KCNAB1: variants seen among roughly 807,000 people sequenced by gnomAD.
KCNAB1 encodes the protein potassium voltage-gated channel subfamily A regulatory beta subunit 1, also known as voltage-gated potassium channel subunit beta-1.
Under a neutral mutation model 64.6 loss-of-function variants are expected in KCNAB1, and 35 were observed. The observed-to-expected ratio is 0.54, with a 90% CI of 0.41 to 0.72. KCNAB1 has a LOEUF of 0.72. Ranked by LOEUF, KCNAB1 falls within the 30% of genes least tolerant of loss-of-function variation. The pLI is 0.00. For synonymous variants in KCNAB1, 177 were observed against 183.8 expected (o/e 0.96, Z 0.30); for missense variants, 401 against 512.9 (o/e 0.78, Z 2.11).
rs1266435962 is a variant in KCNAB1, at chr3:156,536,866, C to T, written c.*119C>T. 1.4e-6 allele frequency: 1 copy of T among 706,990 alleles called. No homozygotes were observed. Among genetic ancestry groups the T allele is most frequent in the African/African-American group, 1.8e-5 (1 of 57,056 alleles). 43.8% of individuals were successfully genotyped at this position (706,990 alleles called of 1,614,324 possible). A position where few individuals can be genotyped will look rare whatever the true frequency, so the allele number is the denominator to read the frequency against. On this transcript the variant is annotated 3_prime_UTR_variant, in exon 14 of 14. Transcript: ENST00000490337. ...CAGCTTGCTGCTCAACCTCTAGTGT[C>T]CCTCCCTGGATTCTTTGAGGTGTCT...
At chr3:156,489,214 G>A (rs974187062) in intron 8 of KCNAB1, among the ~76,000 whole-genome samples, 1 of 152,034 alleles carries the variant, frequency 6.6e-6, no homozygotes, top group African/African-American at 2.4e-5. Context: ...CACACAAGTA[G>A]TAAAAGCAGA....
intron 1 of KCNAB1, among the ~76,000 whole-genome samples, chr3:156,134,362 A>G (rs1290884460): frequency 6.6e-6 from 1 of 152,152 alleles, no homozygotes; most frequent in Non-Finnish European, 1.5e-5. Flanking sequence ...TGCCTCTGAT[A>G]GTTCTTTTAA....
chr3:156,235,252 A>G lies in KCNAB1; in HGVS notation c.275+114366A>G, dbSNP rs187652678. 2.3e-3 allele frequency among the ~76,000 whole-genome samples: 343 copies of G among 152,322 alleles called. 2 individuals carry two copies. The highest frequency in any genetic ancestry group is 7.5e-3 in the African/African-American group (313 of 41,572). The stretch of plus-strand genomic sequence containing the variant: ...TGTGTGCCACTTGGCCTACACAACA[A>G]AAGACTGAGGACCCAGCAGCCTTGC... On this transcript the variant is annotated intron_variant, in intron 1 of 13. Transcript: ENST00000490337.
At chr3:156,299,223 T>C (rs1203043623) in intron 1 of KCNAB1, among the ~76,000 whole-genome samples, 1 of 152,226 alleles carries the variant, frequency 6.6e-6, no homozygotes, top group Non-Finnish European at 1.5e-5. Context: ...GCACAGCACA[T>C]GCAACACTTC....
At chr3:156,233,914 G>A (rs1716691000) in intron 1 of KCNAB1, among the ~76,000 whole-genome samples, 1 of 151,884 alleles carries the variant, frequency 6.6e-6, no homozygotes, top group Non-Finnish European at 1.5e-5. Context: ...GTAGGAGCAG[G>A]AACTTAGTTT....
At chr3:156,283,325 T>C (rs202183580) in intron 1 of KCNAB1, among the ~76,000 whole-genome samples, 6,129 of 147,088 alleles carry the variant, frequency 0.042, 365 homozygotes, top group South Asian at 0.21. Context: ...GGGTTTCTGC[T>C]GAGAGATCTG....
intron 1 of KCNAB1, among the ~76,000 whole-genome samples, chr3:156,126,440 G>A (rs1015288046): frequency 1.3e-5 from 2 of 152,222 alleles, no homozygotes; most frequent in African/African-American, 2.4e-5. Context: ...AGGCAAAGGG[G>A]AGGAGTCCAG....
At chr3:156,463,825 A>G in intron 6 of KCNAB1, 79 bp downstream of exon 6, 2 of 1,124,408 alleles carry the variant, frequency 1.8e-6, no homozygotes, top group South Asian at 2.8e-5. Flanking sequence ...TTTACATATA[A>G]CGTACCAAAA....
intron 1 of KCNAB1, among the ~76,000 whole-genome samples, chr3:156,240,247 C>T (rs1466821595): frequency 6.6e-6 from 1 of 152,226 alleles, no homozygotes; most frequent in African/African-American, 2.4e-5. Context: ...GATATGGCCT[C>T]CTTTGTCTTT....
intron 3 of KCNAB1, chr3:156,455,961 C>CT: frequency 6.6e-6 from 1 of 152,418 alleles, no homozygotes; most frequent in East Asian, 1.9e-4. Context: ...ACTCGTAGGC[C>CT]CCCCAGGCCC....
intron 1 of KCNAB1, among the ~76,000 whole-genome samples, chr3:156,224,345 G>A (rs1716012674): frequency 6.6e-6 from 1 of 152,238 alleles, no homozygotes; most frequent in African/African-American, 2.4e-5. Context: ...GCCGGCTCCG[G>A]CCTTGGCCAG....
In KCNAB1 at chr3:156,417,846, G is replaced by T. The variant is rs1175849224; in HGVS notation, c.276-3770G>T. 3.3e-5 allele frequency among the ~76,000 whole-genome samples: 5 copies of T among 152,198 alleles called. No individual in the cohort carries two copies. In the East Asian group the frequency reaches 9.6e-4, roughly 29 times the overall value. ...CATGTATTCACCGAGTGGAGAGTCT[G>T]CCTTCAGAAAGAAAGGGGAATCACA... On this transcript the variant is annotated intron_variant, in intron 1 of 13. Coordinates refer to ENST00000490337, the MANE Select transcript of KCNAB1 (RefSeq NM_172160.3).
chr3:156,454,792 A>C (rs1240726905), intron 3 of KCNAB1, among the ~76,000 whole-genome samples: 1 of 152,104 alleles, frequency 6.6e-6, no homozygotes, highest in Non-Finnish European at 1.5e-5. Context: ...AAAGACAGAA[A>C]TATCTTCCCT....
intron 2 of KCNAB1, among the ~76,000 whole-genome samples, chr3:156,445,037 C>A (rs1717299584): frequency 6.6e-6 from 1 of 152,242 alleles, no homozygotes; most frequent in Non-Finnish European, 1.5e-5. Flanking sequence ...GTGGCTCACG[C>A]CTGTAATACC....
chr3:156,304,630 C>A (rs1576700221), intron 1 of KCNAB1, among the ~76,000 whole-genome samples: 1 of 152,160 alleles, frequency 6.6e-6, no homozygotes, highest in Admixed American at 6.5e-5. Context: ...AGTGGAATGT[C>A]CCCCATAATT....
intron 1 of KCNAB1, among the ~76,000 whole-genome samples, chr3:156,411,018 C>T (rs79421196): frequency 0.03 from 4,616 of 152,254 alleles, 109 homozygotes; most frequent in African/African-American, 0.063. Context: ...AAGAAACCTT[C>T]AAACTGTTTT....
At chr3:156,169,285 C>T (rs1356743040) in intron 1 of KCNAB1, among the ~76,000 whole-genome samples, 1 of 152,078 alleles carries the variant, frequency 6.6e-6, no homozygotes, top group Non-Finnish European at 1.5e-5. Flanking sequence ...TGCTGAAGAC[C>T]TTAGGAAAAT....
chr3:156,179,419 C>T (rs915395440), intron 1 of KCNAB1, among the ~76,000 whole-genome samples: 2 of 99,666 alleles, frequency 2.0e-5, no homozygotes, highest in East Asian at 4.2e-4. Context: ...GTTTGGAACC[C>T]CCCCCCCCAC....
rs185891308 is a variant in KCNAB1 at position 156,287,989 on chromosome 3, G to A, written c.276-133627G>A. 1.5e-3 allele frequency among the ~76,000 whole-genome samples: 222 copies of A among 152,222 alleles called. 1 individual carries two copies. Among genetic ancestry groups the A allele is most frequent in the African/African-American group, 4.9e-3 (203 of 41,524 alleles). ...TCTATATCTGTATTAATTTGTTATG[G>A]CTGCTATAACAAAGAACCACAGACT... On this transcript the variant is annotated intron_variant, in intron 1 of 13. Transcript: ENST00000490337.
Sources: gnomAD v4.1 joint callset for allele counts (sites outside exome capture counted in the v4.1 genomes callset) on GRCh38, gnomAD v4.1.1 for gene constraint, MANE v1.5 for transcripts, NCBI Gene and HGNC (gene_info 2026-07-23, HGNC 2026-07-21) for gene names.